Variants in STOM observed in about 807,000 individuals in gnomAD.
STOM encodes stomatin, also known as erythrocyte band 7 integral membrane protein.
A neutral mutation model predicts 30.6 loss-of-function variants in STOM; 25 were observed. The ratio of observed to expected loss-of-function variants is 0.82; its 90% CI spans 0.60 to 1.14. STOM has a LOEUF of 1.14. Ranked by LOEUF, STOM falls within the 50% of genes most tolerant of loss-of-function variation. The pLI is 0.00. For missense variants in STOM, 292 were observed against 365.2 expected (o/e 0.80, Z 1.63); for synonymous variants, 118 against 130.8 (o/e 0.90, Z 0.67).
intron 2 of STOM, 44 bp downstream of exon 2, chr9:121,356,009 G>C: frequency 6.6e-7 from 1 of 1,507,312 alleles, no homozygotes; most frequent in Non-Finnish European, 9.2e-7. Context: ...GTTTATGGAG[G>C]TAGGAGTTGA....
intron 6 of STOM, among the ~76,000 whole-genome samples, chr9:121,346,478 G>A (rs2064290841): frequency 6.6e-6 from 1 of 152,202 alleles, no homozygotes. Flanking sequence ...GATAATCTCT[G>A]AGGATCCTTT....
At chr9:121,345,936 T>C (rs927398531) in intron 6 of STOM, among the ~76,000 whole-genome samples, 1 of 152,132 alleles carries the variant, frequency 6.6e-6, no homozygotes, top group Non-Finnish European at 1.5e-5. Context: ...CTTTGAATAG[T>C]GGGATGGCAA....
chr9:121,370,112 G>A lies in STOM; in HGVS notation c.61+15C>T, dbSNP rs758355046. ...GCTCGGTCCACGGGGGAGGGTCAGG[G>A]GACGCGGGACTCACCCTTGAAGGAG... On this transcript the variant is annotated intron_variant, in intron 1 of 6. Coordinates refer to ENST00000286713, the MANE Select transcript of STOM (RefSeq NM_004099.6). The A allele has an allele frequency of 9.1e-6, 14 of 1,537,656 alleles. No homozygotes were observed.
chr9:121,347,899 A>G (rs1564628041), intron 6 of STOM, 116 bp downstream of exon 6: 14 of 1,320,780 alleles, frequency 1.1e-5, no homozygotes, highest in Non-Finnish European at 1.3e-5. Flanking sequence ...TTCACTTCTA[A>G]CTTTACCACT....
intron 1 of STOM, among the ~76,000 whole-genome samples, chr9:121,358,173 T>C (rs1214566330): frequency 1.3e-5 from 2 of 151,666 alleles, no homozygotes; most frequent in African/African-American, 2.4e-5. Flanking sequence ...ATAATATGCT[T>C]CTGCCAGGCA....
In STOM at chr9:121,340,755, A is replaced by AG. The variant is rs1249914371; in HGVS notation, c.*446_*447insC. 1.1e-6 allele frequency: 1 copy of AG among 950,088 alleles called. No individual in the cohort carries two copies. Among genetic ancestry groups the AG allele is most frequent in the Admixed American group, 5.6e-5 (1 of 17,988 alleles). 58.9% of individuals were successfully genotyped at this position (950,088 alleles called of 1,614,324 possible). A position where few individuals can be genotyped will look rare whatever the true frequency, so the allele number is the denominator to read the frequency against. On this transcript the variant is annotated 3_prime_UTR_variant, in exon 7 of 7. Coordinates refer to ENST00000286713, the MANE Select transcript of STOM (RefSeq NM_004099.6). ...ACAAGAGTGAAACTCCATCTCAGAA[A>AG]AAAAAAAAAAAAGACTCTCTGGAGG...
intron 6 of STOM, among the ~76,000 whole-genome samples, chr9:121,346,875 C>T (rs113924396): frequency 6.6e-6 from 1 of 152,180 alleles, no homozygotes; most frequent in Non-Finnish European, 1.5e-5. Flanking sequence ...AAAAGAACAG[C>T]GTTCTGTGGT....
chr9:121,349,374 A>C, intron 4 of STOM, 51 bp from the exon 5 acceptor site: 1 of 1,516,736 alleles, frequency 6.6e-7, no homozygotes, highest in Non-Finnish European at 9.2e-7. Flanking sequence ...TTTTTTTAAC[A>C]TAACTGTAAG....
intron 1 of STOM, among the ~76,000 whole-genome samples, chr9:121,358,581 C>G (rs2064419893): frequency 1.3e-5 from 2 of 152,324 alleles, no homozygotes; most frequent in South Asian, 4.1e-4. Context: ...CCGTTACCCC[C>G]ACCACATACT....
intron 1 of STOM, chr9:121,366,262 A>T (rs2064502229): frequency 1.0e-6 from 1 of 985,226 alleles, no homozygotes; most frequent in Non-Finnish European, 1.2e-6. Context: ...TAGTCCCAGC[A>T]GACAGAGAAA....
At position 121,348,050 on chromosome 9, in the gene STOM, C is replaced by A. The variant is rs546099515; in HGVS notation, c.625G>T (p.Ala209Ser). ...LPVQLQRAMAAEAEASREARA... is the reference protein window; with the variant it reads ...LPVQLQRAMASEAEASREARA... ...GCCTCGCGGGACGCTTCTGCTTCTG[C>A]AGCCATAGCTCTCTGGAGCTGCACA... is the stretch of plus-strand genomic sequence containing the variant. The change falls in exon 6 of 7, where the codon GCA (alanine) becomes TCA (serine). Residue 209 changes from alanine to serine, a missense_variant. By Grantham distance (99) the Ala-to-Ser change is moderately conservative. Coordinates refer to ENST00000286713, the MANE Select transcript of STOM (RefSeq NM_004099.6). 6.2e-7 allele frequency: 1 copy of A among 1,614,172 alleles called. No individual in the cohort carries two copies. The highest frequency in any genetic ancestry group is 1.7e-5 in the Admixed American group (1 of 60,028).
intron 1 of STOM, among the ~76,000 whole-genome samples, chr9:121,368,920 G>A (rs1334748514): frequency 7.1e-6 from 1 of 140,900 alleles, no homozygotes. Flanking sequence ...CAAGAAAAGC[G>A]AAACTCCGTC....
In STOM at chr9:121,341,221, T is replaced by C; in HGVS notation, c.848A>G (p.Lys283Arg). 6.2e-7 allele frequency: 1 copy of C among 1,614,108 alleles called. No homozygotes were observed. The part of the protein sequence containing the change: ...IDMLQGIIGA[K>R]HSHLG ...TCTACACTAGCCTAGATGGCTGTGT[T>C]TTGCCCCTATGATTCCTTGCAGCAT... Residue 283 changes from lysine (K) to arginine (R), a missense_variant, in exon 7 of 7, where the codon AAA becomes AGA. By Grantham distance (26) the Lys-to-Arg change is conservative. Coordinates refer to ENST00000286713, the MANE Select transcript of STOM (RefSeq NM_004099.6).
chr9:121,365,444 T>C (rs1203221231), intron 1 of STOM, among the ~76,000 whole-genome samples: 4 of 150,426 alleles, frequency 2.7e-5, no homozygotes, highest in Non-Finnish European at 5.9e-5. Context: ...CTGAAATACA[T>C]GAAAACAGAA....
chr9:121,354,753 G>GAC, intron 2 of STOM, 80 bp from the exon 3 acceptor site: 1 of 1,050,528 alleles, frequency 9.5e-7, no homozygotes, highest in Non-Finnish European at 1.4e-6. Flanking sequence ...ATATATTTCT[G>GAC]CTCTAAACAG....
At position 121,366,851 on chromosome 9, in the gene STOM, G is replaced by A. The variant is rs189212487; in HGVS notation, c.61+3276C>T. 3.1e-3 allele frequency among the ~76,000 whole-genome samples: 475 copies of A among 152,146 alleles called. 2 individuals are homozygous for A. The highest frequency in any genetic ancestry group is 0.011 in the African/African-American group (450 of 41,506). On this transcript the variant is annotated intron_variant, in intron 1 of 6. Transcript: ENST00000286713. ...CATGCCTGTTGTCCCAGCACTCTGG[G>A]AGGGTAAAGTGGGATCGCTTGAGTC...
At chr9:121,352,591 G>T (rs2064348849) in intron 4 of STOM, among the ~76,000 whole-genome samples, 1 of 152,176 alleles carries the variant, frequency 6.6e-6, no homozygotes, top group African/African-American at 2.4e-5. Flanking sequence ...AACTGTAATA[G>T]TAACAGTAAG....
chr9:121,353,022 G>A (rs906962220), intron 4 of STOM, among the ~76,000 whole-genome samples, 198 bp downstream of exon 4: 5 of 152,138 alleles, frequency 3.3e-5, no homozygotes, highest in African/African-American at 4.8e-5. Flanking sequence ...GAACCCAGGC[G>A]GCGGAGGTTG....
At chr9:121,346,969 G>GC (rs1467743372) in intron 6 of STOM, among the ~76,000 whole-genome samples, 1 of 152,234 alleles carries the variant, frequency 6.6e-6, no homozygotes, top group Non-Finnish European at 1.5e-5. Flanking sequence ...CAAGTCCACA[G>GC]CAACTCCTCC....
Sources: gnomAD v4.1 joint callset for allele counts (sites outside exome capture counted in the v4.1 genomes callset) on GRCh38, gnomAD v4.1.1 for gene constraint, MANE v1.5 for transcripts, NCBI Gene and HGNC (gene_info 2026-07-23, HGNC 2026-07-21) for gene names.